The following IL1RAPL2 variants were observed in gnomAD, a reference collection of about 807,000 sequenced individuals.
IL1RAPL2 encodes interleukin 1 receptor accessory protein like 2.
Under a neutral mutation model 44.1 loss-of-function variants are expected in IL1RAPL2, and 3 were observed. The observed-to-expected ratio is 0.07, with a 90% CI of 0.03 to 0.18. The LOEUF is 0.18. Ranked by LOEUF, IL1RAPL2 falls within the 10% of genes least tolerant of loss-of-function variation. The probability of loss-of-function intolerance (pLI) is 1.00; values close to 1 mark genes in which losing one functional copy is unlikely to be tolerated. For missense variants in IL1RAPL2, 391 were observed against 496.4 expected (o/e 0.79, Z 2.02); for synonymous variants, 181 against 178.8 (o/e 1.01, Z -0.10).
At chrX:105,492,310 T>G (rs1467670467) in intron 6 of IL1RAPL2, among the ~76,000 whole-genome samples, 1 of 110,794 alleles carries the variant, frequency 9.0e-6, no homozygotes, top group Non-Finnish European at 1.9e-5. Flanking sequence ...TCTGTTTCAC[T>G]CCGAAGTTTT....
At chrX:104,778,545 G>A (rs1172950364) in intron 2 of IL1RAPL2, among the ~76,000 whole-genome samples, 2 of 96,876 alleles carry the variant, frequency 2.1e-5, no homozygotes, top group Non-Finnish European at 4.0e-5. Context: ...GGATGACAGA[G>A]TGAGACTCCG....
intron 7 of IL1RAPL2, among the ~76,000 whole-genome samples, chrX:105,730,828 C>A (rs916155929): frequency 2.7e-5 from 3 of 111,046 alleles, no homozygotes; most frequent in African/African-American, 9.8e-5. Context: ...AAAATGGAAA[C>A]AAAACATACC....
rs180814283 is a variant in IL1RAPL2 at position 105,094,425 on chromosome X, T to C, written c.83-101050T>C. 6.0e-3 allele frequency among the ~76,000 whole-genome samples: 674 copies of C among 111,899 alleles called. 8 individuals are homozygous for C. Among genetic ancestry groups the C allele is most frequent in the African/African-American group, 0.021 (644 of 30,804 alleles). The stretch of plus-strand genomic sequence containing the variant: ...CAAGATGTATATGTATAAAAATATA[T>C]ACATACATTGAAAAAATTCTTTCCT... On this transcript the variant is annotated intron_variant, in intron 2 of 10. Transcript: ENST00000372582.
At chrX:105,418,167 G>T (rs1303014585) in intron 5 of IL1RAPL2, among the ~76,000 whole-genome samples, 2 of 110,382 alleles carry the variant, frequency 1.8e-5, no homozygotes, top group African/African-American at 6.6e-5. Flanking sequence ...TGTAATTCTA[G>T]GGCCTACAAC....
chrX:104,599,016 T>C (rs1928821282), intron 1 of IL1RAPL2, among the ~76,000 whole-genome samples: 1 of 112,090 alleles, frequency 8.9e-6, no homozygotes, highest in African/African-American at 3.2e-5. Context: ...CAGAAGTCAT[T>C]TGTAGAAGCT....
intron 8 of IL1RAPL2, among the ~76,000 whole-genome samples, chrX:105,743,663 C>A (rs1379414760): frequency 1.8e-5 from 2 of 111,635 alleles, no homozygotes; most frequent in South Asian, 7.5e-4. Context: ...TCTTCCCCCC[C>A]ACTAAAATAT....
intron 1 of IL1RAPL2, among the ~76,000 whole-genome samples, chrX:104,613,457 G>C (rs963000723): frequency 4.5e-5 from 5 of 111,712 alleles, no homozygotes; most frequent in African/African-American, 9.8e-5. Flanking sequence ...TGTTTATCTG[G>C]TGAATTATGT....
chrX:105,401,322 T>C (rs2035605197), intron 5 of IL1RAPL2, among the ~76,000 whole-genome samples: 1 of 111,433 alleles, frequency 9.0e-6, no homozygotes, highest in Non-Finnish European at 1.9e-5. Context: ...TGGTTGACAC[T>C]CAGGATCCTT....
At chrX:104,707,415 C>T (rs1931381257) in intron 2 of IL1RAPL2, among the ~76,000 whole-genome samples, 1 of 111,746 alleles carries the variant, frequency 8.9e-6, no homozygotes, top group African/African-American at 3.2e-5. Flanking sequence ...AGAGTTCCAA[C>T]AGTAGGCGTT....
chrX:105,225,998 A>G (rs969444057), intron 3 of IL1RAPL2, among the ~76,000 whole-genome samples: 10 of 112,022 alleles, frequency 8.9e-5, no homozygotes, highest in Admixed American at 8.6e-4. Context: ...CTTAGAAGAT[A>G]GAAATAGTGT....
rs1187584859 is a variant in IL1RAPL2 at position 104,658,892 on chromosome X, C to T, written c.-19-3C>T. 1 of 1,157,114 alleles carries T rather than the reference C, an allele frequency of 8.6e-7. No individual in the cohort carries two copies. The highest frequency in any genetic ancestry group is 2.3e-5 in the Admixed American group (1 of 43,677). ...CTTTATATCCTTTTTTTTGACTTTT[C>T]AGCTGTCAAGAAAAGTGAAGGATGA... On this transcript the variant is annotated splice_region_variant and splice_polypyrimidine_tract_variant and intron_variant, in intron 1 of 10. Transcript: ENST00000372582.
chrX:105,727,753 A>ATTTG (rs1288118500), intron 7 of IL1RAPL2, among the ~76,000 whole-genome samples: 1 of 111,866 alleles, frequency 8.9e-6, no homozygotes, highest in Non-Finnish European at 1.9e-5. Flanking sequence ...TTGAGACGGT[A>ATTTG]TTTGTTTATT....
chrX:105,208,594 G>A (rs2033783797), intron 3 of IL1RAPL2, among the ~76,000 whole-genome samples: 1 of 111,226 alleles, frequency 9.0e-6, no homozygotes, highest in Non-Finnish European at 1.9e-5. Context: ...GAGGGGTAAT[G>A]TATATTTCCA....
intron 1 of IL1RAPL2, among the ~76,000 whole-genome samples, chrX:104,626,351 A>G (rs902113306): frequency 1.9e-5 from 2 of 107,486 alleles, no homozygotes; most frequent in Admixed American, 1.0e-4. Flanking sequence ...TCAGACTTTT[A>G]TGACCCTGAG....
chrX:104,937,734 A>G (rs1925061684), intron 2 of IL1RAPL2, among the ~76,000 whole-genome samples: 2 of 112,419 alleles, frequency 1.8e-5, no homozygotes, highest in Non-Finnish European at 3.8e-5. Flanking sequence ...CAGAATTTGG[A>G]AACATATTGC....
chrX:105,517,921 G>C (rs915427073), intron 6 of IL1RAPL2, among the ~76,000 whole-genome samples: 1 of 111,606 alleles, frequency 9.0e-6, no homozygotes, highest in Non-Finnish European at 1.9e-5. Context: ...AGGACAGATA[G>C]ATAGCAAAGA....
rs142218563 is a variant in IL1RAPL2, at chrX:105,622,375, G to A, written c.773-94992G>A. 6.9e-3 allele frequency among the ~76,000 whole-genome samples: 762 copies of A among 109,677 alleles called. 7 individuals carry two copies. Among genetic ancestry groups the A allele is most frequent in the African/African-American group, 0.023 (712 of 30,343 alleles). On this transcript the variant is annotated intron_variant, in intron 6 of 10. Transcript: ENST00000372582. ...GTTCAGCCAAACATCATGTCCTGTCGGCAAGTGTACATCTAAGTACATAGG... is the reference window on the plus strand; with the variant it reads ...GTTCAGCCAAACATCATGTCCTGTCAGCAAGTGTACATCTAAGTACATAGG...
intron 2 of IL1RAPL2, among the ~76,000 whole-genome samples, chrX:104,813,321 A>G (rs765206332): frequency 5.4e-5 from 6 of 111,388 alleles, no homozygotes; most frequent in African/African-American, 2.0e-4. Context: ...ATTTCAGAGA[A>G]GATCAGTGGA....
chrX:105,624,026 G>C (rs764411983), intron 6 of IL1RAPL2, among the ~76,000 whole-genome samples: 23 of 111,444 alleles, frequency 2.1e-4, no homozygotes, highest in Non-Finnish European at 3.0e-4. Context: ...GACTCAAAGG[G>C]TGAATTGAAG....
Sources: gnomAD v4.1 joint callset for allele counts (sites outside exome capture counted in the v4.1 genomes callset) on GRCh38, gnomAD v4.1.1 for gene constraint, MANE v1.5 for transcripts, NCBI Gene and HGNC (gene_info 2026-07-23, HGNC 2026-07-21) for gene names.